The following KANSL1L variants were observed in gnomAD, a reference collection of about 807,000 sequenced individuals.
The protein encoded by KANSL1L is KAT8 regulatory NSL complex subunit 1 like, also known as KAT8 regulatory NSL complex subunit 1-like protein.
KANSL1L carries 25 observed loss-of-function variants against 108.6 expected under a neutral mutation model. That is an observed-to-expected ratio of 0.23 (90% CI 0.17 to 0.32). The LOEUF is 0.32. KANSL1L is among the 10% of genes least tolerant of loss of function. KANSL1L has a pLI of 1.00. For missense variants in KANSL1L, 1,137 were observed against 1,125.7 expected, an observed-to-expected ratio of 1.01 and a Z score of -0.14; for synonymous variants, 405 against 395.1, an observed-to-expected ratio of 1.03 and a Z score of -0.30.
intron 12 of KANSL1L, among the ~76,000 whole-genome samples, chr2:210,026,705 A>C (rs1164921547): frequency 6.6e-6 from 1 of 152,242 alleles, no homozygotes; most frequent in Non-Finnish European, 1.5e-5. Flanking sequence ...AATACTGACA[A>C]TGAATGTGGA....
chr2:210,163,281 T>C (rs977924247), intron 1 of KANSL1L, among the ~76,000 whole-genome samples: 5 of 151,846 alleles, frequency 3.3e-5, no homozygotes, highest in Admixed American at 6.6e-5. Context: ...ATGCAACAAA[T>C]GACAGGTAAT....
At chr2:210,075,922 C>T (rs1034936606) in intron 5 of KANSL1L, among the ~76,000 whole-genome samples, 166 bp from the exon 6 acceptor site, 10 of 152,064 alleles carry the variant, frequency 6.6e-5, no homozygotes, top group Admixed American at 2.0e-4. Context: ...TTTGTATTAA[C>T]GGGAAATTAC....
At chr2:210,137,730 A>G (rs985433354) in intron 2 of KANSL1L, among the ~76,000 whole-genome samples, 2 of 152,142 alleles carry the variant, frequency 1.3e-5, no homozygotes, top group African/African-American at 4.8e-5. Context: ...AAATAATATA[A>G]TATTAATTCT....
intron 2 of KANSL1L, among the ~76,000 whole-genome samples, chr2:210,150,402 T>G (rs1233571730): frequency 2.0e-5 from 3 of 152,222 alleles, no homozygotes; most frequent in Non-Finnish European, 2.9e-5. Context: ...ATTTCTAAAC[T>G]TAGTGTTTCC....
At chr2:210,064,042 T>G (rs550611567) in intron 6 of KANSL1L, 2 of 152,216 alleles carry the variant, frequency 1.3e-5, no homozygotes, top group South Asian at 2.1e-4. Flanking sequence ...GGCCAAGTCT[T>G]GCTGTTCTTG....
intron 8 of KANSL1L, among the ~76,000 whole-genome samples, chr2:210,037,047 C>T (rs780001891): frequency 6.6e-6 from 1 of 152,092 alleles, no homozygotes; most frequent in Non-Finnish European, 1.5e-5. Context: ...TGGGCCACCG[C>T]ACCTGACCTG....
intron 6 of KANSL1L, among the ~76,000 whole-genome samples, chr2:210,062,565 G>C (rs1017561626): frequency 1.3e-5 from 2 of 152,144 alleles, no homozygotes; most frequent in East Asian, 3.9e-4. Flanking sequence ...CCAAAATACT[G>C]ATCATGATAT....
At chr2:210,040,743 TAATC>T (rs1331065047) in intron 7 of KANSL1L, among the ~76,000 whole-genome samples, 1 of 152,114 alleles carries the variant, frequency 6.6e-6, no homozygotes, top group Admixed American at 6.5e-5. Context: ...TAGGTGCACT[TAATC>T]AACAAATTAA....
chr2:210,047,330 G>A (rs990588789), intron 6 of KANSL1L, among the ~76,000 whole-genome samples: 8 of 152,154 alleles, frequency 5.3e-5, no homozygotes, highest in Admixed American at 2.6e-4. Context: ...TCTATCATAA[G>A]CAGTCAGAAG....
intron 9 of KANSL1L, chr2:210,031,157 C>A (rs1418573281): frequency 1.0e-5 from 3 of 298,776 alleles, no homozygotes; most frequent in African/African-American, 6.8e-5. Flanking sequence ...AAGATTAAAT[C>A]CCATCCAGGG....
At chr2:210,096,700 G>C in intron 5 of KANSL1L, 7 of 967,424 alleles carry the variant, frequency 7.2e-6, no homozygotes, top group Non-Finnish European at 8.6e-6. Flanking sequence ...TCTCATAAAT[G>C]AAAATATCAT....
At chr2:210,068,368 C>T (rs1354714646) in intron 6 of KANSL1L, among the ~76,000 whole-genome samples, 1 of 151,862 alleles carries the variant, frequency 6.6e-6, no homozygotes, top group Non-Finnish European at 1.5e-5. Flanking sequence ...TATATACACA[C>T]CCACACACAC....
In KANSL1L at chr2:210,028,979, A is replaced by G; in HGVS notation, c.2272-10T>C. The G allele has an allele frequency of 6.2e-7, 1 of 1,605,964 alleles. No individual in the cohort carries two copies. The highest frequency in any genetic ancestry group is 1.1e-5 in the South Asian group (1 of 89,766). On this transcript the variant is annotated splice_polypyrimidine_tract_variant and intron_variant, in intron 10 of 14. Transcript: ENST00000281772. ...TCCGTCGTGCAGTATTCTGCAAAAC[A>G]GGATTACAGTAGATTTACAGTACTG...
intron 8 of KANSL1L, among the ~76,000 whole-genome samples, chr2:210,036,051 C>T (rs1575385199): frequency 6.6e-6 from 1 of 152,180 alleles, no homozygotes; most frequent in Non-Finnish European, 1.5e-5. Context: ...CTGTAAATTC[C>T]AATTAAGTAG....
intron 5 of KANSL1L, chr2:210,097,440 T>G: frequency 6.5e-6 from 2 of 307,422 alleles, no homozygotes; most frequent in Non-Finnish European, 9.5e-6. Context: ...AATGCACACA[T>G]AAAATGATAT....
intron 2 of KANSL1L, among the ~76,000 whole-genome samples, chr2:210,150,205 G>A (rs1029020120): frequency 3.9e-5 from 6 of 151,988 alleles, no homozygotes; most frequent in African/African-American, 1.4e-4. Flanking sequence ...GCTGATTATG[G>A]GAAAAAGAAA....
At chr2:210,033,880 C>T (rs1300576094) in intron 8 of KANSL1L, among the ~76,000 whole-genome samples, 1 of 151,968 alleles carries the variant, frequency 6.6e-6, no homozygotes, top group Non-Finnish European at 1.5e-5. Flanking sequence ...ATGTTTTTTT[C>T]ACATTTATTT....
intron 1 of KANSL1L, among the ~76,000 whole-genome samples, chr2:210,161,568 A>G (rs2095361713): frequency 6.6e-6 from 1 of 152,206 alleles, no homozygotes; most frequent in Non-Finnish European, 1.5e-5. Flanking sequence ...AAGTTGCTAA[A>G]TTGGACTTCC....
At chr2:210,023,997 A>T in intron 14 of KANSL1L, 36 bp downstream of exon 14, 1 of 1,407,508 alleles carries the variant, frequency 7.1e-7, no homozygotes, top group South Asian at 1.5e-5. Flanking sequence ...TTAAAAGTCA[A>T]GGAATGGGAA....
Sources: gnomAD v4.1 joint callset for allele counts (sites outside exome capture counted in the v4.1 genomes callset) on GRCh38, gnomAD v4.1.1 for gene constraint, MANE v1.5 for transcripts, NCBI Gene and HGNC (gene_info 2026-07-23, HGNC 2026-07-21) for gene names.